The following SHROOM4 variants were observed in gnomAD, a reference collection of about 807,000 sequenced individuals.
SHROOM4 encodes the protein protein Shroom4.
Under a neutral mutation model 80.3 loss-of-function variants are expected in SHROOM4, and 17 were observed. The ratio of observed to expected loss-of-function variants is 0.21; its 90% CI spans 0.14 to 0.32. SHROOM4 has a LOEUF of 0.32. SHROOM4 is among the 10% of genes least tolerant of loss of function. The probability of loss-of-function intolerance (pLI) is 1.00; values close to 1 mark genes in which losing one functional copy is unlikely to be tolerated. For missense variants in SHROOM4, 993 were observed against 1,140.3 expected (o/e 0.87, Z 1.86); for synonymous variants, 400 against 437.5 (o/e 0.91, Z 1.07).
chrX:50,607,728 T>G lies in SHROOM4; in HGVS notation c.3414A>C (p.Glu1138Asp). 1 of 1,120,727 alleles carries G rather than the reference T, an allele frequency of 8.9e-7. No homozygotes were observed. Among genetic ancestry groups the G allele is most frequent in the Non-Finnish European group, 1.2e-6 (1 of 827,787 alleles). The allele number at this position is 1,120,727 out of a possible 1,213,427, so 92.4% of individuals were successfully genotyped here. The stretch of plus-strand genomic sequence containing the variant: ...CTTCCTCTTCCTCTTCTTCTTCTTC[T>G]TCCTCCTCCTCCTCCTCCTCCTGTT... ...QKQQEEEEEE[E>D]EEEEEEEEEE... Residue 1138 changes from glutamate to aspartate, a missense_variant, in exon 6 of 9, where the codon GAA (glutamate) becomes GAC (aspartate). Physicochemically the swap from Glu to Asp is conservative, Grantham distance 45. Coordinates refer to ENST00000376020, the MANE Select transcript of SHROOM4 (RefSeq NM_020717.5).
chrX:50,814,119 C>T lies in SHROOM4; in HGVS notation c.-101G>A, dbSNP rs1469597999. ...ACCATCGCCCTCCAGCTCTACGCCACCCCGCACCGCCCTGCTCCGCCTACT... is the reference window on the plus strand; with the variant it reads ...ACCATCGCCCTCCAGCTCTACGCCATCCCGCACCGCCCTGCTCCGCCTACT... On this transcript the variant is annotated 5_prime_UTR_variant, in exon 1 of 9. In the 5' UTR this introduces an upstream ATG that the reference lacks. Transcript: ENST00000376020. 9 of 558,931 alleles carry T rather than the reference C, an allele frequency of 1.6e-5. No individual in the cohort carries two copies. The South Asian group carries it at 2.3e-4, about 14-fold the overall frequency. The allele number at this position is 558,931 out of a possible 1,213,427, so 46.1% of individuals were successfully genotyped here.
rs45473899 is a variant in SHROOM4, at chrX:50,814,087, C to G, written c.-69G>C. Reference sequence around the variant, plus strand: ...GCTACGTTGCCTCCGCCCCCAGCAGCTCCGCCACCATCGCCCTCCAGCTCT... The same window carrying G: ...GCTACGTTGCCTCCGCCCCCAGCAGGTCCGCCACCATCGCCCTCCAGCTCT... On this transcript the variant is annotated 5_prime_UTR_variant, in exon 1 of 9. Coordinates refer to ENST00000376020, the MANE Select transcript of SHROOM4 (RefSeq NM_020717.5). 441 of 739,074 alleles carry G rather than the reference C, an allele frequency of 6.0e-4. 2 individuals are homozygous for G. The highest frequency in any genetic ancestry group is 8.7e-4 in the Non-Finnish European group (416 of 478,003). The allele number at this position is 739,074 out of a possible 1,213,427, so 60.9% of individuals were successfully genotyped here. A position where few individuals can be genotyped will look rare whatever the true frequency, so the allele number is the denominator to read the frequency against.
At chrX:50,731,224 G>A (rs1482917893) in intron 1 of SHROOM4, among the ~76,000 whole-genome samples, 2 of 102,816 alleles carry the variant, frequency 1.9e-5, no homozygotes, top group Non-Finnish European at 4.0e-5. Context: ...ATAGAAATTT[G>A]GTTTAAAAAA....
At chrX:50,758,893 A>G (rs1209281263) in intron 1 of SHROOM4, among the ~76,000 whole-genome samples, 1 of 111,471 alleles carries the variant, frequency 9.0e-6, no homozygotes, top group African/African-American at 3.3e-5. Context: ...CATAATTTGC[A>G]TTTTCCAGGA....
At chrX:50,602,038 C>G (rs992837296) in intron 7 of SHROOM4, among the ~76,000 whole-genome samples, 25 of 111,105 alleles carry the variant, frequency 2.3e-4, no homozygotes, top group African/African-American at 8.2e-4. Context: ...GTCCCTTCAA[C>G]TAGTAAAAAA....
intron 2 of SHROOM4, among the ~76,000 whole-genome samples, chrX:50,648,853 C>T (rs1285083491): frequency 4.5e-5 from 5 of 112,274 alleles, no homozygotes; most frequent in Non-Finnish European, 7.5e-5. Context: ...GCCTTTACTT[C>T]ACATAATCCA....
chrX:50,747,868 G>T (rs1350464860), intron 1 of SHROOM4, among the ~76,000 whole-genome samples: 1 of 112,093 alleles, frequency 8.9e-6, no homozygotes, highest in African/African-American at 3.2e-5. Flanking sequence ...CTCAGATACA[G>T]TGCTTAATGC....
intron 7 of SHROOM4, among the ~76,000 whole-genome samples, chrX:50,599,819 C>T (rs1417519375): frequency 1.8e-5 from 2 of 111,518 alleles, no homozygotes; most frequent in Admixed American, 9.5e-5. Context: ...TTTTTTTGTC[C>T]GAGCTTTTAA....
rs781801555 is a variant in SHROOM4, at chrX:50,813,996, A to G, written c.23T>C (p.Phe8Ser). The G allele has an allele frequency of 8.3e-7, 1 of 1,208,421 alleles. No individual in the cohort carries two copies. The highest frequency in any genetic ancestry group is 1.1e-6 in the Non-Finnish European group (1 of 893,492). MENRPGS[F>S]QYVPVQLQGG... is the part of the protein sequence containing the mutation. ...TTGCAGCTGCACAGGGACGTACTGG[A>G]AGGACCCAGGCCGGTTCTCCATCCT... is the stretch of plus-strand genomic sequence containing the variant. Residue 8 changes from phenylalanine to serine, a missense_variant, in exon 1 of 9, where the codon TTC becomes TCC. Coordinates refer to ENST00000376020, the MANE Select transcript of SHROOM4 (RefSeq NM_020717.5).
At chrX:50,708,929 A>G (rs2147487213) in intron 1 of SHROOM4, among the ~76,000 whole-genome samples, 1 of 111,977 alleles carries the variant, frequency 8.9e-6, no homozygotes, top group Admixed American at 9.5e-5. Flanking sequence ...GCAAGGAGGA[A>G]GAACTTCCTG....
intron 1 of SHROOM4, among the ~76,000 whole-genome samples, chrX:50,754,597 T>C (rs1557268259): frequency 9.0e-6 from 1 of 111,347 alleles, no homozygotes; most frequent in Non-Finnish European, 1.9e-5. Context: ...CTCCCCAGAA[T>C]AGTCAAGAAT....
intron 6 of SHROOM4, among the ~76,000 whole-genome samples, chrX:50,605,763 G>C (rs1292551321): frequency 1.8e-5 from 2 of 112,534 alleles, no homozygotes; most frequent in Non-Finnish European, 3.8e-5. Context: ...GAATTAGTTA[G>C]TTTCCTCATC....
intron 1 of SHROOM4, among the ~76,000 whole-genome samples, chrX:50,772,359 T>C: frequency 9.0e-6 from 1 of 111,374 alleles, no homozygotes; most frequent in Non-Finnish European, 1.9e-5. Context: ...TATGTAATAC[T>C]GTCCCCATAT....
At chrX:50,671,476 T>A (rs1281520445) in intron 2 of SHROOM4, among the ~76,000 whole-genome samples, 1 of 112,279 alleles carries the variant, frequency 8.9e-6, no homozygotes, top group Admixed American at 9.4e-5. Flanking sequence ...CTTAGCTAGA[T>A]CTTCTGGATA....
chrX:50,582,026 C>T (rs1201654106), downstream of SHROOM4, among the ~76,000 whole-genome samples: 3 of 111,868 alleles, frequency 2.7e-5, no homozygotes, highest in African/African-American at 9.8e-5. Flanking sequence ...AATCCCCTCC[C>T]CTGGAGTGTA....
chrX:50,793,722 A>G (rs1935901161), intron 1 of SHROOM4, among the ~76,000 whole-genome samples: 1 of 108,661 alleles, frequency 9.2e-6, no homozygotes, highest in Admixed American at 1.0e-4. Flanking sequence ...ACCCTTCTGG[A>G]GAACAGATTT....
chrX:50,806,911 T>G (rs1175308934), intron 1 of SHROOM4, among the ~76,000 whole-genome samples: 2 of 112,343 alleles, frequency 1.8e-5, no homozygotes, highest in Non-Finnish European at 3.8e-5. Context: ...CCCAAGAATA[T>G]CTTCTATAAA....
intron 2 of SHROOM4, among the ~76,000 whole-genome samples, chrX:50,662,807 A>C (rs185515273): frequency 9.0e-6 from 1 of 111,478 alleles, no homozygotes; most frequent in Non-Finnish European, 1.9e-5. Flanking sequence ...GAAAAGGAGA[A>C]GAAACTACGC....
intron 1 of SHROOM4, among the ~76,000 whole-genome samples, chrX:50,720,411 C>T (rs1306066418): frequency 8.9e-6 from 1 of 112,121 alleles, no homozygotes; most frequent in Non-Finnish European, 1.9e-5. Context: ...TCAGAAACTC[C>T]TCCTTAGAGT....
Sources: gnomAD v4.1 joint callset for allele counts (sites outside exome capture counted in the v4.1 genomes callset) on GRCh38, gnomAD v4.1.1 for gene constraint, MANE v1.5 for transcripts, NCBI Gene and HGNC (gene_info 2026-07-23, HGNC 2026-07-21) for gene names.